Variants in SLC4A7 observed in about 807,000 individuals in gnomAD.
The protein encoded by SLC4A7 is solute carrier family 4 member 7.
SLC4A7 carries 51 observed loss-of-function variants against 137.6 expected under a neutral mutation model. The ratio of observed to expected loss-of-function variants is 0.37; its 90% confidence interval spans 0.30 to 0.47. The LOEUF (loss-of-function observed/expected upper bound fraction) is 0.47, where lower values mean the gene tolerates loss of function less well. SLC4A7 is among the 20% of genes least tolerant of loss of function. The probability of loss-of-function intolerance (pLI) is 1.00; values close to 1 mark genes in which losing one functional copy is unlikely to be tolerated. For missense variants in SLC4A7, 1,247 were observed against 1,525.4 expected (o/e 0.82, Z 3.04); for synonymous variants, 542 against 518.6 (o/e 1.05, Z -0.61).
intron 1 of SLC4A7, among the ~76,000 whole-genome samples, chr3:27,461,785 C>T (rs1011463714): frequency 6.6e-6 from 1 of 150,648 alleles, no homozygotes; most frequent in African/African-American, 2.5e-5. Flanking sequence ...CATGGTGAAA[C>T]CCCATCTCCA....
At position 27,398,476 on chromosome 3, in the gene SLC4A7, T is replaced by A. The variant is rs2052423747; in HGVS notation, c.2428-123A>T. ...AGAGGCACCATTACTTTGTATTCCTTATAAAGAAAAAACATTGTCCAGCCA... is the reference window on the plus strand; with the variant it reads ...AGAGGCACCATTACTTTGTATTCCTAATAAAGAAAAAACATTGTCCAGCCA... On this transcript the variant is annotated intron_variant, in intron 16 of 25. Transcript: ENST00000454389. The A allele has an allele frequency of 4.0e-6, 3 of 757,944 alleles. 1 individual carries two copies. In the East Asian group the frequency reaches 8.1e-5, roughly 20 times the overall value. The allele number at this position is 757,944 out of a possible 1,614,324, so 47.0% of individuals were successfully genotyped here.
intron 3 of SLC4A7, among the ~76,000 whole-genome samples, chr3:27,440,492 C>A (rs1277695267): frequency 6.6e-6 from 1 of 152,110 alleles, no homozygotes; most frequent in Non-Finnish European, 1.5e-5. Flanking sequence ...CTTTGGGAGG[C>A]CGAGGCAGGT....
Position 27,475,008 on chromosome 3 carries a change from G to A in SLC4A7, c.60+9059C>T, listed in dbSNP as rs541812494. 5.9e-5 allele frequency among the ~76,000 whole-genome samples: 9 copies of A among 152,232 alleles called. No individual in the cohort carries two copies. In the South Asian group the frequency reaches 1.9e-3, roughly 32 times the overall value. On this transcript the variant is annotated intron_variant, in intron 1 of 25. Coordinates refer to ENST00000454389, the MANE Select transcript of SLC4A7 (RefSeq NM_001321103.2). ...GCCTGTGATCCTAGCTACTTGGGAG[G>A]CCAAGGCAGGACAATCGCTTGAACC...
intron 1 of SLC4A7, among the ~76,000 whole-genome samples, chr3:27,469,152 T>C (rs1201593079): frequency 6.6e-6 from 1 of 152,164 alleles, no homozygotes; most frequent in African/African-American, 2.4e-5. Flanking sequence ...TAGTACTCTT[T>C]GGAAAAAACT....
In SLC4A7 at chr3:27,419,436, C is replaced by T. The variant is rs565455732; in HGVS notation, c.1513-804G>A. The stretch of plus-strand genomic sequence containing the variant: ...CTACAAAATTAGCCAGGTGTGGTGG[C>T]GTATGCCTGTAATCCCAGCTACTCA... On this transcript the variant is annotated intron_variant, in intron 10 of 25. Coordinates refer to ENST00000454389, the MANE Select transcript of SLC4A7 (RefSeq NM_001321103.2). 2.6e-5 allele frequency among the ~76,000 whole-genome samples: 4 copies of T among 151,168 alleles called. No homozygotes were observed. In the East Asian group the frequency reaches 6.1e-4, roughly 23 times the overall value.
Position 27,379,373 on chromosome 3 carries a change from C to A in SLC4A7, c.3591-17G>T, listed in dbSNP as rs1285259406. 2 of 1,372,980 alleles carry A rather than the reference C, an allele frequency of 1.5e-6. No homozygotes were observed. Among genetic ancestry groups the A allele is most frequent in the East Asian group, 5.0e-5 (2 of 40,096 alleles). 85.0% of individuals were successfully genotyped at this position (1,372,980 alleles called of 1,614,324 possible). A position where few individuals can be genotyped will look rare whatever the true frequency, so the allele number is the denominator to read the frequency against. ...GGATCAACACTGAAGAACAAATACACTTTTTGGTTAGTATTCAGTACTTGC... is the reference window on the plus strand; with the variant it reads ...GGATCAACACTGAAGAACAAATACAATTTTTGGTTAGTATTCAGTACTTGC... On this transcript the variant is annotated splice_polypyrimidine_tract_variant and intron_variant, in intron 24 of 25. Transcript: ENST00000454389.
At chr3:27,448,115 G>C (rs1007713688) in intron 3 of SLC4A7, among the ~76,000 whole-genome samples, 1 of 151,284 alleles carries the variant, frequency 6.6e-6, no homozygotes, top group African/African-American at 2.4e-5. Context: ...GGGAGGCTGA[G>C]GCACAAGAAT....
intron 15 of SLC4A7, 168 bp from the exon 16 acceptor site, chr3:27,401,037 T>A: frequency 2.2e-6 from 1 of 465,082 alleles, no homozygotes; most frequent in Non-Finnish European, 3.8e-6. Flanking sequence ...TGGAATAAAG[T>A]TTGGGTTATA....
chr3:27,441,104 T>C (rs932148979), intron 3 of SLC4A7, among the ~76,000 whole-genome samples: 2 of 152,230 alleles, frequency 1.3e-5, no homozygotes, highest in African/African-American at 4.8e-5. Flanking sequence ...CTCTTTGCCA[T>C]ATAATGTAAC....
At chr3:27,446,400 G>A (rs2057640103) in intron 3 of SLC4A7, among the ~76,000 whole-genome samples, 1 of 151,764 alleles carries the variant, frequency 6.6e-6, no homozygotes. Context: ...AAAACTTCAG[G>A]GACATAAATC....
chr3:27,447,107 T>G (rs1209277201), intron 3 of SLC4A7, among the ~76,000 whole-genome samples: 1 of 151,288 alleles, frequency 6.6e-6, no homozygotes, highest in African/African-American at 2.4e-5. Context: ...AGGCTGGTCT[T>G]GAACTCCTGA....
chr3:27,398,549 ATAT>A (rs1430019075), intron 16 of SLC4A7, among the ~76,000 whole-genome samples, 196 bp from the exon 17 acceptor site: 1 of 152,194 alleles, frequency 6.6e-6, no homozygotes, highest in Non-Finnish European at 1.5e-5. Flanking sequence ...TGAGTTCAAG[ATAT>A]TATAATTTGA....
intron 15 of SLC4A7, among the ~76,000 whole-genome samples, chr3:27,402,278 T>C (rs2052833114): frequency 6.6e-6 from 1 of 152,240 alleles, no homozygotes; most frequent in Non-Finnish European, 1.5e-5. Context: ...TGCCAAACTT[T>C]TGTAACCACT....
chr3:27,468,846 G>A (rs1052480907), intron 1 of SLC4A7, among the ~76,000 whole-genome samples: 1 of 152,156 alleles, frequency 6.6e-6, no homozygotes, highest in African/African-American at 2.4e-5. Context: ...GATGGCTCAT[G>A]CATATAATCC....
chr3:27,376,186 A>T lies in SLC4A7; in HGVS notation c.*578T>A, dbSNP rs756014990. ...AAAAATTTAAACATAAAAGTTAAAA[A>T]CTATCATTATTAAAGTTTCTATTGT... is the stretch of plus-strand genomic sequence containing the variant. On this transcript the variant is annotated 3_prime_UTR_variant, in exon 26 of 26. Coordinates refer to ENST00000454389, the MANE Select transcript of SLC4A7 (RefSeq NM_001321103.2). 1 of 152,112 alleles carries T rather than the reference A, an allele frequency of 6.6e-6. No individual in the cohort carries two copies. Among genetic ancestry groups the T allele is most frequent in the Non-Finnish European group, 1.5e-5 (1 of 67,950 alleles). The allele number at this position is 152,112 out of a possible 1,614,324, so 9.4% of individuals were successfully genotyped here. A position where few individuals can be genotyped will look rare whatever the true frequency, so the allele number is the denominator to read the frequency against.
intron 24 of SLC4A7, 71 bp from the exon 25 acceptor site, chr3:27,379,427 T>A: frequency 1.3e-6 from 1 of 745,066 alleles, no homozygotes; most frequent in Admixed American, 2.2e-5. Context: ...ATTCTTATTA[T>A]CTGCTTTCAT....
chr3:27,398,042 T>G, intron 17 of SLC4A7, 150 bp downstream of exon 17: 1 of 653,258 alleles, frequency 1.5e-6, no homozygotes, highest in Non-Finnish European at 2.6e-6. Context: ...AGGCACGTAA[T>G]ATACATTTTT....
At chr3:27,430,757 A>G (rs191760743) in intron 7 of SLC4A7, among the ~76,000 whole-genome samples, 32 of 151,846 alleles carry the variant, frequency 2.1e-4, no homozygotes, top group African/African-American at 7.0e-4. Context: ...ACTTGAACCC[A>G]GGGAGCAGAG....
chr3:27,425,668 C>A (rs2055518479), intron 7 of SLC4A7, among the ~76,000 whole-genome samples: 1 of 61,132 alleles, frequency 1.6e-5, no homozygotes, highest in Non-Finnish European at 3.0e-5. Flanking sequence ...AAGAGCAAAA[C>A]TCTGTCTCAA....
Sources: gnomAD v4.1 joint callset for allele counts (sites outside exome capture counted in the v4.1 genomes callset) on GRCh38, gnomAD v4.1.1 for gene constraint, MANE v1.5 for transcripts, NCBI Gene and HGNC (gene_info 2026-07-23, HGNC 2026-07-21) for gene names.